The following KAT6A variants were observed in gnomAD, a reference collection of about 807,000 sequenced individuals.
KAT6A encodes histone acetyltransferase KAT6A.
A neutral mutation model predicts 198.4 loss-of-function variants in KAT6A; 9 were observed. The ratio of observed to expected loss-of-function variants is 0.05; its 90% CI spans 0.03 to 0.08. The LOEUF (loss-of-function observed/expected upper bound fraction) is 0.08. Among genes scored for constraint, KAT6A ranks in the 10% least tolerant of loss-of-function variants. The pLI is 1.00. For missense variants in KAT6A, 2,077 were observed against 2,509.9 expected (o/e 0.83, Z 3.69); for synonymous variants, 890 against 883.0 (o/e 1.01, Z -0.14).
Position 41,929,974 on chromosome 8 carries a change from A to G in KAT6A, c.*2231T>C, listed in dbSNP as rs1368595238. 1 of 219,252 alleles carries G rather than the reference A, an allele frequency of 4.6e-6. No homozygotes were observed. The highest frequency in any genetic ancestry group is 9.1e-6 in the Non-Finnish European group (1 of 109,388). 13.6% of individuals were successfully genotyped at this position (219,252 alleles called of 1,614,324 possible). A position where few individuals can be genotyped will look rare whatever the true frequency, so the allele number is the denominator to read the frequency against. The stretch of plus-strand genomic sequence containing the variant: ...ACCCAAGTTATCTTGCTAAAAATAC[A>G]TTTTTTTTAAACAGAAGTGAAAAAA... On this transcript the variant is annotated 3_prime_UTR_variant, in exon 17 of 17. Transcript: ENST00000265713.
chr8:41,947,777 A>C lies in KAT6A; in HGVS notation c.1876T>G (p.Cys626Gly). Reference sequence around the variant, plus strand: ...TTAGAAAAGTAGCCAACAAGGTGGCAGCCCTTGACATCATTCTGTGTTAGT... The same window carrying C: ...TTAGAAAAGTAGCCAACAAGGTGGCCGCCCTTGACATCATTCTGTGTTAGT... Reference protein sequence around the residue: ...YVLTQNDVKGCHLVGYFSKEK... With the variant: ...YVLTQNDVKGGHLVGYFSKEK... Residue 626 changes from cysteine to glycine, a missense_variant, in exon 11 of 17, where the codon TGC (cysteine) becomes GGC (glycine). Transcript: ENST00000265713. 6.3e-7 allele frequency: 1 copy of C among 1,597,364 alleles called. No homozygotes were observed. The highest frequency in any genetic ancestry group is 8.5e-7 in the Non-Finnish European group (1 of 1,175,918).
chr8:42,039,021 G>A (rs1177950561), intron 2 of KAT6A, among the ~76,000 whole-genome samples: 2 of 152,244 alleles, frequency 1.3e-5, no homozygotes, highest in Admixed American at 1.3e-4. Context: ...CATGTACAGG[G>A]CTGATGAAAG....
chr8:42,033,978 C>A (rs1203160065), intron 2 of KAT6A, among the ~76,000 whole-genome samples: 1 of 152,100 alleles, frequency 6.6e-6, no homozygotes. Flanking sequence ...TGTGTACGGA[C>A]ATATGCAGCA....
At chr8:42,010,133 T>C (rs188783565) in intron 2 of KAT6A, among the ~76,000 whole-genome samples, 249 of 152,160 alleles carry the variant, frequency 1.6e-3, no homozygotes, top group African/African-American at 5.6e-3. Context: ...TGTGAAACCC[T>C]GTCTCTACTA....
intron 8 of KAT6A, among the ~76,000 whole-genome samples, chr8:41,973,313 C>T (rs1446716544): frequency 4.0e-5 from 6 of 151,874 alleles, no homozygotes; most frequent in African/African-American, 1.5e-4. Context: ...GCAACCTCCA[C>T]CTCCCGGATT....
chr8:42,009,480 A>C (rs1038133389), intron 2 of KAT6A, among the ~76,000 whole-genome samples: 2 of 151,720 alleles, frequency 1.3e-5, no homozygotes, highest in Non-Finnish European at 2.9e-5. Flanking sequence ...GACCATAACA[A>C]GTATCTTCAT....
At chr8:41,988,969 C>A (rs1824769679) in intron 2 of KAT6A, among the ~76,000 whole-genome samples, 1 of 152,108 alleles carries the variant, frequency 6.6e-6, no homozygotes, top group South Asian at 2.1e-4. Flanking sequence ...TGCTTTTAGT[C>A]TACTGGGGAG....
chr8:42,034,140 G>A (rs1179102267), intron 2 of KAT6A, among the ~76,000 whole-genome samples: 1 of 152,144 alleles, frequency 6.6e-6, no homozygotes, highest in Non-Finnish European at 1.5e-5. Flanking sequence ...CCAGACAGGA[G>A]AAAAATATAG....
intron 2 of KAT6A, among the ~76,000 whole-genome samples, chr8:42,040,287 A>C (rs1439727056): frequency 6.6e-6 from 1 of 152,226 alleles, no homozygotes; most frequent in Non-Finnish European, 1.5e-5. Context: ...AAACGAGGTT[A>C]AGACCATTAG....
At position 41,947,834 on chromosome 8, in the gene KAT6A, A is replaced by G; in HGVS notation, c.1819T>C (p.Tyr607His). 1 of 1,610,932 alleles carries G rather than the reference A, an allele frequency of 6.2e-7. No homozygotes were observed. Residue 607 changes from tyrosine to histidine, a missense_variant, in exon 11 of 17, where the codon TAT (tyrosine) becomes CAT (histidine). Tyr to His is a moderately conservative substitution (Grantham distance 83, BLOSUM62 2). Transcript: ENST00000265713. Reference protein sequence around the residue: ...AKLFLDHKTLYYDVEPFLFYV... With the variant: ...AKLFLDHKTLHYDVEPFLFYV... ...AAAAGAAATGGCTCCACATCGTAATAGAGGGTTTTGTGGTCAAGAAACAAC... is the reference window on the plus strand; with the variant it reads ...AAAAGAAATGGCTCCACATCGTAATGGAGGGTTTTGTGGTCAAGAAACAAC...
At chr8:42,050,616 A>T (rs937241691) in intron 1 of KAT6A, among the ~76,000 whole-genome samples, 1 of 152,220 alleles carries the variant, frequency 6.6e-6, no homozygotes, top group Non-Finnish European at 1.5e-5. Context: ...CCTAAAAAGA[A>T]GCCCCCTGGG....
chr8:41,941,239 T>C lies in KAT6A; in HGVS notation c.2642A>G (p.Asp881Gly), dbSNP rs768090744. Residue 881 changes from aspartate to glycine, a missense_variant, in exon 15 of 17, where the codon GAT (aspartate) becomes GGT (glycine). Around this residue, in one of 13 missense-constraint regions of KAT6A, gnomAD observed 301 missense variants for 272.2 expected, o/e 1.11. Transcript: ENST00000265713. ...TTCCAAGAGCAGTTTAGAATCTTTATCACCAAAACGTTCCTGGGTTTTTCT... is the reference window on the plus strand; with the variant it reads ...TTCCAAGAGCAGTTTAGAATCTTTACCACCAAAACGTTCCTGGGTTTTTCT... Reference protein sequence around the residue: ...KNRKTQERFGDKDSKLLLEET... With the variant: ...KNRKTQERFGGKDSKLLLEET... 3.7e-6 allele frequency: 6 copies of C among 1,614,076 alleles called. No individual in the cohort carries two copies. Among genetic ancestry groups the C allele is most frequent in the East Asian group, 4.5e-5 (2 of 44,892 alleles).
intron 2 of KAT6A, among the ~76,000 whole-genome samples, chr8:42,029,753 T>A (rs779320231): frequency 1.3e-5 from 2 of 151,874 alleles, no homozygotes; most frequent in Non-Finnish European, 1.5e-5. Flanking sequence ...TGAGCCACCA[T>A]GACCACCTCA....
intron 8 of KAT6A, among the ~76,000 whole-genome samples, chr8:41,972,103 A>C (rs1823821986): frequency 6.6e-6 from 1 of 152,216 alleles, no homozygotes; most frequent in Non-Finnish European, 1.5e-5. Context: ...CCCTCTGCCT[A>C]AATTTGGAAC....
At chr8:41,997,191 T>G (rs944045729) in intron 2 of KAT6A, among the ~76,000 whole-genome samples, 91 of 152,176 alleles carry the variant, frequency 6.0e-4, no homozygotes, top group Admixed American at 4.8e-3. Flanking sequence ...TTATATAAAT[T>G]TTACAATATA....
At chr8:41,948,997 T>C (rs1356011178) in intron 10 of KAT6A, among the ~76,000 whole-genome samples, 1 of 152,240 alleles carries the variant, frequency 6.6e-6, no homozygotes, top group African/African-American at 2.4e-5. Flanking sequence ...TCCTTTCATT[T>C]AAATGCCATA....
intron 2 of KAT6A, among the ~76,000 whole-genome samples, chr8:42,046,199 T>A (rs529102482): frequency 1.2e-4 from 18 of 152,294 alleles, no homozygotes; most frequent in East Asian, 3.9e-4. Flanking sequence ...TAATATTTTT[T>A]AAAATTATCT....
At position 41,932,001 on chromosome 8, in the gene KAT6A, T is replaced by C. The variant is rs763155195; in HGVS notation, c.*204A>G. 6.8e-6 allele frequency: 3 copies of C among 439,004 alleles called. 1 individual carries two copies. The highest frequency in any genetic ancestry group is 1.1e-5 in the Non-Finnish European group (3 of 266,146). The allele number at this position is 439,004 out of a possible 1,614,324, so 27.2% of individuals were successfully genotyped here. The stretch of plus-strand genomic sequence containing the variant: ...TTCTACTGTAAAATGTTCAAGATTG[T>C]GAAGAAAACCAAAACCCAGAACAAA... On this transcript the variant is annotated 3_prime_UTR_variant, in exon 17 of 17. Transcript: ENST00000265713.
intron 2 of KAT6A, among the ~76,000 whole-genome samples, chr8:42,015,376 C>T (rs1296652224): frequency 6.6e-6 from 1 of 152,208 alleles, no homozygotes; most frequent in Non-Finnish European, 1.5e-5. Context: ...CCAGATACCA[C>T]GACAGCACTT....
Sources: gnomAD v4.1 joint callset for allele counts (sites outside exome capture counted in the v4.1 genomes callset) on GRCh38, gnomAD v4.1.1 for gene constraint, gnomAD v4.1.1 regional missense constraint, MANE v1.5 for transcripts, NCBI Gene and HGNC (gene_info 2026-07-23, HGNC 2026-07-21) for gene names.